Variants in ATP2B4 observed in about 807,000 individuals in gnomAD.
ATP2B4 encodes ATPase plasma membrane Ca2+ transporting 4, also known as plasma membrane calcium-transporting ATPase 4.
A neutral mutation model predicts 110.3 loss-of-function variants in ATP2B4; 39 were observed. That is an observed-to-expected ratio of 0.35 (90% CI 0.27 to 0.46). ATP2B4 has a LOEUF of 0.46. Among genes scored for constraint, ATP2B4 ranks in the 20% least tolerant of loss-of-function variants. ATP2B4 has a pLI of 1.00. For synonymous variants in ATP2B4, 538 were observed against 571.7 expected (o/e 0.94, Z 0.84); for missense variants, 1,135 against 1,530.9 (o/e 0.74, Z 4.32).
rs184060722 is a variant in ATP2B4, at chr1:203,638,900, A to C, written c.-465+11681A>C. On this transcript the variant is annotated intron_variant, in intron 1 of 20. Coordinates refer to ENST00000357681, the MANE Select transcript of ATP2B4 (RefSeq NM_001684.5). Reference sequence around the variant, plus strand: ...CATTAGCACACAGAAAATGCAAAGAAGTATTTGGCACTGCCCGTATCACCG... The same window carrying C: ...CATTAGCACACAGAAAATGCAAAGACGTATTTGGCACTGCCCGTATCACCG... 3.9e-3 allele frequency among the ~76,000 whole-genome samples: 594 copies of C among 152,334 alleles called. 5 individuals are homozygous for C. Among genetic ancestry groups the C allele is most frequent in the Middle Eastern group, 0.031 (9 of 294 alleles).
chr1:203,634,151 G>A (rs890044046), intron 1 of ATP2B4, among the ~76,000 whole-genome samples: 5 of 152,134 alleles, frequency 3.3e-5, no homozygotes, highest in Non-Finnish European at 7.4e-5. Flanking sequence ...ATTACGGAAC[G>A]ATTAAGTCAA....
intron 1 of ATP2B4, among the ~76,000 whole-genome samples, chr1:203,653,408 A>G (rs998952352): frequency 2.0e-5 from 3 of 152,198 alleles, no homozygotes; most frequent in Non-Finnish European, 4.4e-5. Context: ...TCTAGCTAAG[A>G]TAATTGGTGA....
intron 20 of ATP2B4, among the ~76,000 whole-genome samples, chr1:203,730,622 T>A: frequency 6.6e-6 from 1 of 152,230 alleles, no homozygotes; most frequent in East Asian, 1.9e-4. Context: ...TTTCCAGTCT[T>A]CTGTCCTGGG....
Position 203,657,596 on chromosome 1 carries a change from G to T in ATP2B4, c.-464-25146G>T. ...TTTTCTCAGCATGACACTGTTTAAGGTAAAGCTTAGCCTTCAGACCAATCA... is the reference window on the plus strand; with the variant it reads ...TTTTCTCAGCATGACACTGTTTAAGTTAAAGCTTAGCCTTCAGACCAATCA... On this transcript the variant is annotated intron_variant, in intron 1 of 20. Coordinates refer to ENST00000357681, the MANE Select transcript of ATP2B4 (RefSeq NM_001684.5). The T allele has an allele frequency of 4.1e-6, 4 of 972,640 alleles. No individual in the cohort carries two copies. The East Asian group carries it at 9.5e-5, about 23-fold the overall frequency. The allele number at this position is 972,640 out of a possible 1,614,324, so 60.3% of individuals were successfully genotyped here. A position where few individuals can be genotyped will look rare whatever the true frequency, so the allele number is the denominator to read the frequency against.
chr1:203,672,811 G>A (rs771209175), intron 1 of ATP2B4, among the ~76,000 whole-genome samples: 1 of 152,150 alleles, frequency 6.6e-6, no homozygotes, highest in Non-Finnish European at 1.5e-5. Flanking sequence ...TTGCTCCACT[G>A]GAACCTGAAA....
At chr1:203,714,713 T>C (rs929002908) in intron 15 of ATP2B4, among the ~76,000 whole-genome samples, 1 of 151,542 alleles carries the variant, frequency 6.6e-6, no homozygotes, top group Non-Finnish European at 1.5e-5. Flanking sequence ...TTAGACGTCT[T>C]AATTCAGTAG....
chr1:203,691,075 C>T (rs899576750), intron 2 of ATP2B4, among the ~76,000 whole-genome samples: 5 of 152,174 alleles, frequency 3.3e-5, no homozygotes, highest in Non-Finnish European at 7.3e-5. Flanking sequence ...TCTGGGTTCA[C>T]TGTCATAATG....
rs769696669 is a variant in ATP2B4 at position 203,714,284 on chromosome 1, T to G, written c.2406+7T>G. ...GGATGTTGGTTTTGCCATGGTAAGC[T>G]CAGCACAGTGTCTCTCTGATTGCAA... is the stretch of plus-strand genomic sequence containing the variant. On this transcript the variant is annotated splice_region_variant and intron_variant, in intron 15 of 20. Coordinates refer to ENST00000357681, the MANE Select transcript of ATP2B4 (RefSeq NM_001684.5). 1 of 1,613,966 alleles carries G rather than the reference T, an allele frequency of 6.2e-7. No homozygotes were observed. Among genetic ancestry groups the G allele is most frequent in the Non-Finnish European group, 8.5e-7 (1 of 1,179,934 alleles).
At chr1:203,651,608 AT>A (rs1663997546) in intron 1 of ATP2B4, among the ~76,000 whole-genome samples, 1 of 152,190 alleles carries the variant, frequency 6.6e-6, no homozygotes, top group Admixed American at 6.5e-5. Flanking sequence ...TATCTAAAAA[AT>A]ATACTAGCTG....
chr1:203,683,277 C>T lies in ATP2B4; in HGVS notation c.72C>T (p.Cys24=), dbSNP rs2102361860. 1 of 1,614,156 alleles carries T rather than the reference C, an allele frequency of 6.2e-7. No individual in the cohort carries two copies. The highest frequency in any genetic ancestry group is 1.7e-5 in the Admixed American group (1 of 60,020). The change falls in exon 2 of 21, where the codon TGC becomes TGT. Residue 24 remains cysteine (C), a synonymous_variant. Coordinates refer to ENST00000357681, the MANE Select transcript of ATP2B4 (RefSeq NM_001684.5). ...MAESREGDFG[C]TVMELRKLME... is the part of the protein sequence containing the mutation. ...AGAGCCGTGAAGGGGACTTTGGCTG[C>T]ACAGTAATGGAACTGAGGAAGCTCA...
At chr1:203,638,441 A>G (rs1663526450) in intron 1 of ATP2B4, among the ~76,000 whole-genome samples, 1 of 152,234 alleles carries the variant, frequency 6.6e-6, no homozygotes, top group Non-Finnish European at 1.5e-5. Flanking sequence ...ATGCAAGGAC[A>G]GGCACAGCAA....
Position 203,698,315 on chromosome 1 carries a change from G to T in ATP2B4, c.352G>T (p.Val118Phe). ...GGAGATTGCAGCCATCATCTCCCTG[G>T]TCCTGTCCTTTTATCGCCCTGCTGG... The part of the protein sequence containing the change: ...ILEIAAIISL[V>F]LSFYRPAGEE... Residue 118 changes from valine (V) to phenylalanine (F), a missense_variant, in exon 3 of 21, where the codon GTC becomes TTC. Coordinates refer to ENST00000357681, the MANE Select transcript of ATP2B4 (RefSeq NM_001684.5). 1 of 1,614,112 alleles carries T rather than the reference G, an allele frequency of 6.2e-7. No individual in the cohort carries two copies.
chr1:203,667,826 G>T (rs1055972100), intron 1 of ATP2B4, among the ~76,000 whole-genome samples: 74 of 152,338 alleles, frequency 4.9e-4, no homozygotes, highest in African/African-American at 1.8e-3. Flanking sequence ...TACAGAGAGA[G>T]GGCCCAGTGA....
intron 1 of ATP2B4, among the ~76,000 whole-genome samples, chr1:203,680,084 A>AAAGAG (rs1558030624): frequency 6.7e-6 from 1 of 148,722 alleles, no homozygotes; most frequent in African/African-American, 2.5e-5. Flanking sequence ...AAAAAAAGGA[A>AAAGAG]GGAATTCTGA....
intron 15 of ATP2B4, among the ~76,000 whole-genome samples, chr1:203,718,239 C>G (rs1380202243): frequency 6.6e-6 from 1 of 151,626 alleles, no homozygotes; most frequent in Non-Finnish European, 1.5e-5. Context: ...TTATAGATGT[C>G]TAACTTCCTG....
At chr1:203,647,452 T>TAAC (rs897227414) in intron 1 of ATP2B4, among the ~76,000 whole-genome samples, 3 of 148,188 alleles carry the variant, frequency 2.0e-5, no homozygotes, top group African/African-American at 7.5e-5. Flanking sequence ...AAACAGAAAA[T>TAAC]AACAACAACA....
Position 203,644,523 on chromosome 1 carries a change from T to A in ATP2B4, c.-465+17304T>A, listed in dbSNP as rs1571673906. Among the ~76,000 whole-genome samples, 3 of 152,314 alleles carry A rather than the reference T, an allele frequency of 2.0e-5. No individual in the cohort carries two copies. In the East Asian group the frequency reaches 5.8e-4, roughly 29 times the overall value. ...TGTTCTGTCACTTTTGGGAAATCAC[T>A]GAACCTTTCTGGGCTTCAATTTGTT... On this transcript the variant is annotated intron_variant, in intron 1 of 20. Transcript: ENST00000357681.
intron 18 of ATP2B4, among the ~76,000 whole-genome samples, chr1:203,723,302 A>C: frequency 7.3e-6 from 1 of 137,682 alleles, no homozygotes; most frequent in African/African-American, 2.8e-5. Context: ...ATGGGGTCTC[A>C]CTCTGTTGCT....
chr1:203,704,701 G>C (rs1267294006), intron 8 of ATP2B4, among the ~76,000 whole-genome samples: 1 of 151,722 alleles, frequency 6.6e-6, no homozygotes. Flanking sequence ...GGCTGGTCTC[G>C]AACTCCTGGT....
Sources: gnomAD v4.1 joint callset for allele counts (sites outside exome capture counted in the v4.1 genomes callset) on GRCh38, gnomAD v4.1.1 for gene constraint, MANE v1.5 for transcripts, NCBI Gene and HGNC (gene_info 2026-07-23, HGNC 2026-07-21) for gene names.